AGRP: variants seen among roughly 807,000 people sequenced by gnomAD.
AGRP encodes the protein agouti related neuropeptide, also known as agouti-related protein.
In AGRP, 8 loss-of-function variants were observed where a neutral mutation model predicts 13.6. The ratio of observed to expected loss-of-function variants is 0.59; its 90% CI spans 0.35 to 1.06. The LOEUF is 1.06. AGRP is among the 50% of genes least tolerant of loss of function. The pLI, the probability that AGRP is intolerant of heterozygous loss-of-function variation, is 0.02. For synonymous variants in AGRP, 63 were observed against 72.4 expected, an observed-to-expected ratio of 0.87 and a Z score of 0.66; for missense variants, 155 against 174.8, an observed-to-expected ratio of 0.89 and a Z score of 0.64.
At position 67,483,013 on chromosome 16, in the gene AGRP, C is replaced by T; in HGVS notation, c.216+12G>A. The T allele has an allele frequency of 6.2e-7, 1 of 1,613,876 alleles. No individual in the cohort carries two copies. The highest frequency in any genetic ancestry group is 1.7e-5 in the Admixed American group (1 of 60,030). On this transcript the variant is annotated intron_variant, in intron 3 of 3. Coordinates refer to ENST00000290953, the MANE Select transcript of AGRP (RefSeq NM_001138.2). Reference sequence around the variant, plus strand: ...AAGGGCCACCACCTTACCCTTTTCCCTGAGCAGTTACCTCTGCCAAGGCCT... The same window carrying T: ...AAGGGCCACCACCTTACCCTTTTCCTTGAGCAGTTACCTCTGCCAAGGCCT...
At chr16:67,483,167 G>A (rs1199368715) in intron 2 of AGRP, 57 bp from the exon 3 acceptor site, 1 of 1,610,896 alleles carries the variant, frequency 6.2e-7, no homozygotes, top group Non-Finnish European at 8.5e-7. Context: ...CACCTCCCAG[G>A]GGAGGGTTTG....
Position 67,482,802 on chromosome 16 carries a change from TCCTGCAGGTCTAGTA to T in AGRP, c.218_232del (p.Val73_Gln77del). 1 of 1,614,074 alleles carries T rather than the reference TCCTGCAGGTCTAGTA, an allele frequency of 6.2e-7. No individual in the cohort carries two copies. The highest frequency in any genetic ancestry group is 1.7e-5 in the Admixed American group (1 of 60,016). On this transcript the variant is annotated inframe_deletion and splice_region_variant, in exon 4 of 4. Transcript: ENST00000290953. Reference sequence around the variant, plus strand: ...GCGACGTGAGGAGCGGGGCTCGCGGTCCTGCAGGTCTAGTACCTGCAGGGGTGGGGAACCAGCACA... The same window carrying T: ...GCGACGTGAGGAGCGGGGCTCGCGGTCCTGCAGGGGTGGGGAACCAGCACA...
In AGRP at chr16:67,482,626, C is replaced by A; in HGVS notation, c.*10G>T. 9.3e-6 allele frequency: 15 copies of A among 1,614,142 alleles called. No individual in the cohort carries two copies. The highest frequency in any genetic ancestry group is 1.2e-5 in the Non-Finnish European group (14 of 1,180,018). On this transcript the variant is annotated 3_prime_UTR_variant, in exon 4 of 4. Transcript: ENST00000290953. The stretch of plus-strand genomic sequence containing the variant: ...GCCCCTACCCTAGCCCCGACCCTGA[C>A]GTTGGCCAGCTAGGTGCGGCTGCAG...
chr16:67,483,462 G>A, intron 1 of AGRP, 55 bp downstream of exon 1: 2 of 1,445,020 alleles, frequency 1.4e-6, no homozygotes, highest in Non-Finnish European at 1.8e-6. Context: ...CCCTCTAGGT[G>A]CCCAGATAGA....
chr16:67,482,965 G>A (rs2041519394), intron 3 of AGRP, 60 bp downstream of exon 3: 24 of 1,575,120 alleles, frequency 1.5e-5, no homozygotes, highest in Non-Finnish European at 2.1e-5. Flanking sequence ...GGGGAGAGGA[G>A]CTAATACCCA....
rs1202710838 is a variant in AGRP at position 67,483,527 on chromosome 16, G to A, written c.-14C>T. 1.3e-5 allele frequency: 15 copies of A among 1,141,028 alleles called. No individual in the cohort carries two copies. The highest frequency in any genetic ancestry group is 4.7e-5 in the African/African-American group (3 of 64,140). 70.7% of individuals were successfully genotyped at this position (1,141,028 alleles called of 1,614,324 possible). On this transcript the variant is annotated 5_prime_UTR_variant, in exon 1 of 4. Coordinates refer to ENST00000290953, the MANE Select transcript of AGRP (RefSeq NM_001138.2). ...AACCTGAGGACTCACCTCTGCCTCCGGGATTCTTGCCTAGAGAGTTCCCGG... is the reference window on the plus strand; with the variant it reads ...AACCTGAGGACTCACCTCTGCCTCCAGGATTCTTGCCTAGAGAGTTCCCGG...
intron 1 of AGRP, 22 bp downstream of exon 1, chr16:67,483,495 C>T: frequency 1.5e-6 from 2 of 1,341,970 alleles, no homozygotes; most frequent in Admixed American, 2.7e-5. Context: ...AGGAGGAGTC[C>T]CTGCCCAACC....
Position 67,483,101 on chromosome 16 carries a change from A to G in AGRP, c.140T>C (p.Leu47Pro). 1 of 1,614,034 alleles carries G rather than the reference A, an allele frequency of 6.2e-7. No individual in the cohort carries two copies. The highest frequency in any genetic ancestry group is 8.5e-7 in the Non-Finnish European group (1 of 1,179,914). ...ALLPELPGLG[L>P]RAPLKKTTAE... ...AGTTGTCTTCTTCAGTGGGGCCCGC[A>G]GGCCCAGGCCTGGGGCAGAGGATGT... The change falls in exon 3 of 4, where the codon CTG (leucine) becomes CCG (proline). Residue 47 changes from leucine to proline, a missense_variant. By Grantham distance (98) the Leu-to-Pro change is moderately conservative. Transcript: ENST00000290953.
In AGRP at chr16:67,482,819, CT is replaced by C; in HGVS notation, c.217-2del. 6.2e-7 allele frequency: 1 copy of C among 1,613,990 alleles called. No homozygotes were observed. ...GCTCGCGGTCCTGCAGGTCTAGTAC[CT>C]GCAGGGGTGGGGAACCAGCACAGGC... On this transcript the variant is annotated splice_acceptor_variant, in intron 3 of 3. Coordinates refer to ENST00000290953, the MANE Select transcript of AGRP (RefSeq NM_001138.2). LOFTEE classifies it high-confidence loss of function.
At position 67,483,389 on chromosome 16, in the gene AGRP, C is replaced by T. The variant is rs769667707; in HGVS notation, c.10G>A (p.Ala4Thr). MLT[A>T]AVLSCALLLA... ...AGCAGGGCACAGCTCAGCACCGCTG[C>T]GGTCAGCATGGCCTGGCTCAGCAGG... The change falls in exon 2 of 4, where the codon GCA becomes ACA. Residue 4 changes from alanine (A) to threonine (T), a missense_variant. Ala to Thr is a moderately conservative substitution (Grantham distance 58). Transcript: ENST00000290953. 19 of 1,514,180 alleles carry T rather than the reference C, an allele frequency of 1.3e-5. No homozygotes were observed. Among genetic ancestry groups the T allele is most frequent in the Non-Finnish European group, 1.4e-5 (16 of 1,131,580 alleles). 93.8% of individuals were successfully genotyped at this position (1,514,180 alleles called of 1,614,324 possible). A position where few individuals can be genotyped will look rare whatever the true frequency, so the allele number is the denominator to read the frequency against.
At chr16:67,483,134 G>A in intron 2 of AGRP, 24 bp from the exon 3 acceptor site, 1 of 1,613,160 alleles carries the variant, frequency 6.2e-7, no homozygotes, top group Non-Finnish European at 8.5e-7. Context: ...TGTGAGGGCA[G>A]GAACCCCCAT....
In AGRP at chr16:67,482,792, G is replaced by A; in HGVS notation, c.243C>T (p.Pro81=). 6.2e-7 allele frequency: 1 copy of A among 1,614,152 alleles called. No homozygotes were observed. Among genetic ancestry groups the A allele is most frequent in the Non-Finnish European group, 8.5e-7 (1 of 1,180,032 alleles). The change falls in exon 4 of 4, where the codon CCC becomes CCT. Residue 81 remains proline (P), a synonymous_variant. Coordinates refer to ENST00000290953, the MANE Select transcript of AGRP (RefSeq NM_001138.2). ...AEVLDLQDRE[P]RSSRRCVRLH... is the part of the protein sequence containing the mutation. ...GCCTTACGCAGCGACGTGAGGAGCG[G>A]GGCTCGCGGTCCTGCAGGTCTAGTA...
intron 3 of AGRP, 39 bp downstream of exon 3, chr16:67,482,986 C>G: frequency 6.2e-7 from 1 of 1,606,024 alleles, no homozygotes; most frequent in South Asian, 1.1e-5. Flanking sequence ...ATGCCCCCTC[C>G]CAAGGGCCAC....
Position 67,483,112 on chromosome 16 carries a change from T to G in AGRP, c.131-2A>C. 6.2e-7 allele frequency: 1 copy of G among 1,613,914 alleles called. No individual in the cohort carries two copies. The highest frequency in any genetic ancestry group is 1.1e-5 in the South Asian group (1 of 91,072). On this transcript the variant is annotated splice_acceptor_variant, in intron 2 of 3. Coordinates refer to ENST00000290953, the MANE Select transcript of AGRP (RefSeq NM_001138.2). LOFTEE classifies it high-confidence loss of function. ...TCAGTGGGGCCCGCAGGCCCAGGCC[T>G]GGGGCAGAGGATGTGAGGGCAGGAA...
chr16:67,483,447 G>T (rs1415139823), intron 1 of AGRP, 46 bp from the exon 2 acceptor site: 3 of 1,466,986 alleles, frequency 2.0e-6, no homozygotes, highest in South Asian at 1.5e-5. Flanking sequence ...CTTATCCTTG[G>T]AGTCCCCTCT....
In AGRP at chr16:67,482,980, C is replaced by T. The variant is rs1207527822; in HGVS notation, c.216+45G>A. ...GGGGAGAGGAGCTAATACCCAATGC[C>T]CCCTCCCAAGGGCCACCACCTTACC... is the stretch of plus-strand genomic sequence containing the variant. On this transcript the variant is annotated intron_variant, in intron 3 of 3. Coordinates refer to ENST00000290953, the MANE Select transcript of AGRP (RefSeq NM_001138.2). 2.5e-6 allele frequency: 4 copies of T among 1,600,104 alleles called. No homozygotes were observed. In the East Asian group the frequency reaches 8.9e-5, roughly 36 times the overall value.
At chr16:67,483,182 G>C (rs1261748228) in intron 2 of AGRP, 72 bp from the exon 3 acceptor site, 1 of 1,610,124 alleles carries the variant, frequency 6.2e-7, no homozygotes, top group Non-Finnish European at 8.5e-7. Flanking sequence ...GGTTTGGGAA[G>C]GGAGAAAGAG....
Position 67,482,742 on chromosome 16 carries a change from T to C in AGRP, c.293A>G (p.Gln98Arg), listed in dbSNP as rs1238154717. The change falls in exon 4 of 4, where the codon CAG (glutamine) becomes CGG (arginine). Residue 98 changes from glutamine (Q) to arginine (R), a missense_variant. By Grantham distance (43) the Gln-to-Arg change is conservative (BLOSUM62 1). Coordinates refer to ENST00000290953, the MANE Select transcript of AGRP (RefSeq NM_001138.2). ...VRLHESCLGQ[Q>R]VPCCDPCATC... ...GGCACATGGGTCACAGCAAGGCACC[T>C]GCTGTCCCAGGCAGGACTCATGCAG... The C allele has an allele frequency of 1.2e-6, 2 of 1,614,192 alleles. No homozygotes were observed. The highest frequency in any genetic ancestry group is 2.2e-5 in the East Asian group (1 of 44,882).
rs563040861 is a variant in AGRP at position 67,482,597 on chromosome 16, C to T, written c.*39G>A. On this transcript the variant is annotated 3_prime_UTR_variant, in exon 4 of 4. Transcript: ENST00000290953. Reference sequence around the variant, plus strand: ...TTGGTCCCATCCTTTATTCGAGTTTCCTTGCCCCTACCCTAGCCCCGACCC... The same window carrying T: ...TTGGTCCCATCCTTTATTCGAGTTTTCTTGCCCCTACCCTAGCCCCGACCC... 9 of 1,612,192 alleles carry T rather than the reference C, an allele frequency of 5.6e-6. No individual in the cohort carries two copies. The East Asian group carries it at 2.0e-4, about 36-fold the overall frequency.
Sources: gnomAD v4.1 joint callset for allele counts on GRCh38, gnomAD v4.1.1 for gene constraint, MANE v1.5 for transcripts, NCBI Gene and HGNC (gene_info 2026-07-23, HGNC 2026-07-21) for gene names.